The following NCOA5 variants were observed in gnomAD, a reference collection of about 807,000 sequenced individuals.
The protein encoded by NCOA5 is nuclear receptor coactivator 5, also known as NCoA-5.
A neutral mutation model predicts 59.0 loss-of-function variants in NCOA5; 12 were observed. The ratio of observed to expected loss-of-function variants is 0.20; its 90% CI spans 0.13 to 0.33. NCOA5 has a LOEUF of 0.33. NCOA5 is among the 10% of genes least tolerant of loss of function. The pLI is 1.00. For synonymous variants in NCOA5, 270 were observed against 275.5 expected (o/e 0.98, Z 0.20); for missense variants, 655 against 766.6 (o/e 0.85, Z 1.72).
intron 2 of NCOA5, among the ~76,000 whole-genome samples, chr20:46,073,188 A>G (rs2084903127): frequency 6.6e-6 from 1 of 151,652 alleles, no homozygotes; most frequent in Non-Finnish European, 1.5e-5. Flanking sequence ...GTCGTCTACC[A>G]TGGTTACACA....
chr20:46,073,949 A>C (rs2084910431), intron 2 of NCOA5, among the ~76,000 whole-genome samples: 1 of 152,212 alleles, frequency 6.6e-6, no homozygotes, highest in Admixed American at 6.5e-5. Context: ...CAAAACTACT[A>C]ATTCCCTCTC....
chr20:46,080,044 A>G (rs1286727181), intron 1 of NCOA5, among the ~76,000 whole-genome samples: 8 of 149,514 alleles, frequency 5.4e-5, no homozygotes, highest in African/African-American at 2.0e-4. Flanking sequence ...TTAATAAACA[A>G]AGAATATGAC....
chr20:46,062,661 G>A lies in NCOA5; in HGVS notation c.1379C>T (p.Thr460Ile), dbSNP rs752770284. 4 of 1,614,186 alleles carry A rather than the reference G, an allele frequency of 2.5e-6. No homozygotes were observed. Among genetic ancestry groups the A allele is most frequent in the African/African-American group, 1.3e-5 (1 of 75,030 alleles). ...SASPSVAAGNTPNQNFSTAAN... is the reference protein window; with the variant it reads ...SASPSVAAGNIPNQNFSTAAN... ...TGCTGTGGAAAAATTCTGGTTTGGG[G>A]TGTTTCCGGCAGCAACCGAGGGGGA... Residue 460 changes from threonine to isoleucine, a missense_variant, in exon 8 of 8, where the codon ACC becomes ATC. Thr to Ile is a moderately conservative substitution (Grantham distance 89). This residue lies in a region of NCOA5 where 325 missense variants were observed against 353.2 expected (regional missense o/e 0.92). Coordinates refer to ENST00000290231, the MANE Select transcript of NCOA5 (RefSeq NM_020967.3).
At chr20:46,089,176 C>G (rs938180332) in intron 1 of NCOA5, among the ~76,000 whole-genome samples, 1 of 152,194 alleles carries the variant, frequency 6.6e-6, no homozygotes, top group African/African-American at 2.4e-5. Flanking sequence ...GAAAGCCGGC[C>G]GGATCGGACG....
chr20:46,071,254 T>C (rs1170196265), intron 2 of NCOA5, among the ~76,000 whole-genome samples: 1 of 152,178 alleles, frequency 6.6e-6, no homozygotes, highest in African/African-American at 2.4e-5. Context: ...TTCAACCCAC[T>C]GGAAACTCCT....
intron 2 of NCOA5, among the ~76,000 whole-genome samples, chr20:46,071,705 TTTTA>T (rs370302047): frequency 7.7e-4 from 118 of 152,334 alleles, no homozygotes; most frequent in East Asian, 3.3e-3. Flanking sequence ...ATCTCAATAG[TTTTA>T]TTTATTTGAT....
chr20:46,074,760 C>T (rs896674703), intron 2 of NCOA5, among the ~76,000 whole-genome samples: 1 of 152,198 alleles, frequency 6.6e-6, no homozygotes, highest in Non-Finnish European at 1.5e-5. Flanking sequence ...AGAGTAAGAA[C>T]TGATAGATGA....
chr20:46,070,944 C>T (rs1033212466), intron 2 of NCOA5, among the ~76,000 whole-genome samples: 4 of 152,114 alleles, frequency 2.6e-5, no homozygotes, highest in Non-Finnish European at 5.9e-5. Flanking sequence ...ATCAAAGGAA[C>T]TGTCCTTAAA....
chr20:46,083,230 C>G (rs143205124), intron 1 of NCOA5, among the ~76,000 whole-genome samples: 2 of 152,256 alleles, frequency 1.3e-5, no homozygotes, highest in East Asian at 3.9e-4. Context: ...CAAGCCAAGA[C>G]AAAGATCTTT....
chr20:46,086,003 G>C (rs898745944), intron 1 of NCOA5, among the ~76,000 whole-genome samples: 1 of 152,102 alleles, frequency 6.6e-6, no homozygotes, highest in East Asian at 1.9e-4. Flanking sequence ...TCAATAAAGG[G>C]CTCCCATGTA....
At chr20:46,065,345 AT>A in intron 5 of NCOA5, 117 bp from the exon 6 acceptor site, 1 of 936,478 alleles carries the variant, frequency 1.1e-6, no homozygotes, top group East Asian at 2.5e-5. Context: ...CCAGTACCGT[AT>A]TCAGGATCCA....
Sources: allele counts gnomAD v4.1 joint callset (sites outside exome capture counted in the v4.1 genomes callset), GRCh38; gene constraint gnomAD v4.1.1; regional missense constraint gnomAD v4.1.1; transcripts MANE v1.5; gene names NCBI Gene and HGNC (gene_info 2026-07-23, HGNC 2026-07-21).